The following CMYA5 variants were observed in gnomAD, a reference collection of about 807,000 sequenced individuals.
The protein encoded by CMYA5 is cardiomyopathy-associated protein 5.
In CMYA5, 246 loss-of-function variants were observed where a neutral mutation model predicts 318.9. The ratio of observed to expected loss-of-function variants is 0.77; its 90% confidence interval spans 0.70 to 0.86. The LOEUF (loss-of-function observed/expected upper bound fraction) is 0.86. CMYA5 is among the 40% of genes least tolerant of loss of function. CMYA5 has a pLI of 0.00. For missense variants in CMYA5, 4,589 were observed against 4,678.2 expected (o/e 0.98, Z 0.56); for synonymous variants, 1,641 against 1,729.5 (o/e 0.95, Z 1.27).
chr5:79,739,207 T>G lies in CMYA5; in HGVS notation c.10442T>G (p.Leu3481Trp), dbSNP rs758215599. Residue 3481 changes from leucine to tryptophan, a missense_variant, in exon 2 of 13, where the codon TTG (leucine) becomes TGG (tryptophan). By Grantham distance (61) the Leu-to-Trp change is moderately conservative (BLOSUM62 -2). Around this residue, in one of 3 missense-constraint regions of CMYA5, gnomAD observed 2,431 missense variants for 2,495.1 expected, o/e 0.97. Transcript: ENST00000446378. The part of the protein sequence containing the change: ...EQSTPAEQKE[L>W]GSERKEEDQL... ...AGTACACCTGCTGAACAAAAAGAGT[T>G]GGGCAGCGAGAGGAAAGAAGAAGAC... is the stretch of plus-strand genomic sequence containing the variant. 1 of 1,613,332 alleles carries G rather than the reference T, an allele frequency of 6.2e-7. No individual in the cohort carries two copies. The highest frequency in any genetic ancestry group is 8.5e-7 in the Non-Finnish European group (1 of 1,179,660).
At chr5:79,720,164 G>A (rs1357038816) in intron 1 of CMYA5, among the ~76,000 whole-genome samples, 4 of 151,992 alleles carry the variant, frequency 2.6e-5, no homozygotes, top group Non-Finnish European at 4.4e-5. Context: ...AAATGCTGAG[G>A]GACATTAATC....
At chr5:79,719,297 C>G (rs1305415914) in intron 1 of CMYA5, among the ~76,000 whole-genome samples, 2 of 152,150 alleles carry the variant, frequency 1.3e-5, no homozygotes, top group Admixed American at 1.3e-4. Flanking sequence ...CCACAAGGCT[C>G]TTTCCACTCA....
In CMYA5 at chr5:79,736,085, A is replaced by G. The variant is rs1031602040; in HGVS notation, c.7320A>G (p.Lys2440=). The G allele has an allele frequency of 6.8e-6, 11 of 1,612,210 alleles. No homozygotes were observed. Among genetic ancestry groups the G allele is most frequent in the Non-Finnish European group, 8.5e-6 (10 of 1,179,530 alleles). Residue 2440 remains lysine, a synonymous_variant, in exon 2 of 13, where the codon AAA becomes AAG. Transcript: ENST00000446378. ...AAATGCAAAATCCTACTTCCTTGAA[A>G]ATTTCTGAAGAGGAAACAAAACTCA... ...KKEMQNPTSL[K]ISEEETKLRS... is the part of the protein sequence containing the mutation.
chr5:79,736,717 T>C lies in CMYA5; in HGVS notation c.7952T>C (p.Leu2651Ser). Residue 2651 changes from leucine (L) to serine (S), a missense_variant, in exon 2 of 13, where the codon TTA becomes TCA. Transcript: ENST00000446378. ...SCRDEIENHS[L>S]SQEGNLVLEK... ...CGTGATGAAATAGAGAACCACTCTTTATCTCAGGAAGGAAATCTAGTATTA... is the reference window on the plus strand; with the variant it reads ...CGTGATGAAATAGAGAACCACTCTTCATCTCAGGAAGGAAATCTAGTATTA... 1 of 1,613,346 alleles carries C rather than the reference T, an allele frequency of 6.2e-7. No individual in the cohort carries two copies. The highest frequency in any genetic ancestry group is 8.5e-7 in the Non-Finnish European group (1 of 1,179,714).
Position 79,799,856 on chromosome 5 carries a change from GTTCTTTC to G in CMYA5, c.*241_*247del. ...CACTCTTTAGTTTATATAAGTTTGA[GTTCTTTC>G]CTAAATTAAAAGATCTACACTTGAG... On this transcript the variant is annotated 3_prime_UTR_variant, in exon 13 of 13. Coordinates refer to ENST00000446378, the MANE Select transcript of CMYA5 (RefSeq NM_153610.5). 5.4e-6 allele frequency: 1 copy of G among 186,734 alleles called. No individual in the cohort carries two copies. The highest frequency in any genetic ancestry group is 9.9e-6 in the Non-Finnish European group (1 of 101,214). The allele number at this position is 186,734 out of a possible 1,614,324, so 11.6% of individuals were successfully genotyped here.
At position 79,743,887 on chromosome 5, in the gene CMYA5, G is replaced by C. The variant is rs1389364756; in HGVS notation, c.10699G>C (p.Val3567Leu). ...QEKSLRIEAF[V>L]SEIESFFNTI... ...AAAGTCCTTGAGGATTGAAGCCTTTGTTAGTGAGATAGAATCCTTTTTTAA... is the reference window on the plus strand; with the variant it reads ...AAAGTCCTTGAGGATTGAAGCCTTTCTTAGTGAGATAGAATCCTTTTTTAA... The change falls in exon 3 of 13, where the codon GTT (valine) becomes CTT (leucine). Residue 3567 changes from valine (V) to leucine (L), a missense_variant. By Grantham distance (32) the Val-to-Leu change is conservative (BLOSUM62 1). Around this residue, in one of 3 missense-constraint regions of CMYA5, gnomAD observed 2,431 missense variants for 2,495.1 expected, o/e 0.97. Transcript: ENST00000446378. 1 of 1,547,390 alleles carries C rather than the reference G, an allele frequency of 6.5e-7. No homozygotes were observed. The highest frequency in any genetic ancestry group is 8.7e-7 in the Non-Finnish European group (1 of 1,144,206).
rs759386853 is a variant in CMYA5, at chr5:79,729,117, C to T, written c.352C>T (p.Pro118Ser). 1 of 1,613,270 alleles carries T rather than the reference C, an allele frequency of 6.2e-7. No homozygotes were observed. The highest frequency in any genetic ancestry group is 8.5e-7 in the Non-Finnish European group (1 of 1,179,658). Residue 118 changes from proline (P) to serine (S), a missense_variant, in exon 2 of 13, where the codon CCT becomes TCT. Physicochemically the swap from Pro to Ser is moderately conservative, Grantham distance 74. This residue lies in a region of CMYA5 where 2,132 missense variants were observed against 2,131.3 expected (regional missense o/e 1.00). Transcript: ENST00000446378. Reference protein sequence around the residue: ...SREGSTVNSPPGNVSFIVDEV... With the variant: ...SREGSTVNSPSGNVSFIVDEV... ...GGAAGGGTCAACTGTGAATTCTCCT[C>T]CTGGAAATGTTTCCTTTATTGTGGA...
chr5:79,730,473 T>C lies in CMYA5; in HGVS notation c.1708T>C (p.Ser570Pro), dbSNP rs372336841. The change falls in exon 2 of 13, where the codon TCA becomes CCA. Residue 570 changes from serine to proline, a missense_variant. Ser to Pro is a moderately conservative substitution (Grantham distance 74). This residue lies in a region of CMYA5 where 2,132 missense variants were observed against 2,131.3 expected (regional missense o/e 1.00). Transcript: ENST00000446378. ...GCTTATTCTACCATTATTGGCAGCA[T>C]CATCTCCTGAACATGTTGCTTTGTC... The part of the protein sequence containing the change: ...EELILPLLAA[S>P]SPEHVALSEE... 10 of 1,613,758 alleles carry C rather than the reference T, an allele frequency of 6.2e-6. No homozygotes were observed. The Admixed American group carries it at 1.7e-4, about 27-fold the overall frequency.
At chr5:79,719,660 A>G (rs1296833205) in intron 1 of CMYA5, among the ~76,000 whole-genome samples, 1 of 152,220 alleles carries the variant, frequency 6.6e-6, no homozygotes, top group African/African-American at 2.4e-5. Flanking sequence ...ATGAACACAC[A>G]ATGAAAATAT....
chr5:79,720,738 A>T lies in CMYA5; in HGVS notation c.150-8177A>T, dbSNP rs551587638. On this transcript the variant is annotated intron_variant, in intron 1 of 12. Coordinates refer to ENST00000446378, the MANE Select transcript of CMYA5 (RefSeq NM_153610.5). ...GGCGTGAGCCACCATGCCTGGCCCA[A>T]TCTAGAATTTTATATCCTGAAAAAA... 2.0e-5 allele frequency among the ~76,000 whole-genome samples: 3 copies of T among 152,236 alleles called. No individual in the cohort carries two copies. The East Asian group carries it at 5.8e-4, about 29-fold the overall frequency.
At chr5:79,797,206 C>T (rs181920461) in intron 12 of CMYA5, among the ~76,000 whole-genome samples, 39 of 152,290 alleles carry the variant, frequency 2.6e-4, no homozygotes, top group African/African-American at 8.2e-4. Flanking sequence ...TTATTCATTG[C>T]ACAAATATGT....
Position 79,737,546 on chromosome 5 carries a change from T to C in CMYA5, c.8781T>C (p.Phe2927=). ...ACACATATGCAAAAGGTGAAGACTT[T>C]ACAGTGACTAGTAAGCCAGCCGGAC... ...PEDTYAKGED[F]TVTSKPAGLS... The change falls in exon 2 of 13, where the codon TTT becomes TTC. Residue 2927 remains phenylalanine, a synonymous_variant. Transcript: ENST00000446378. 1 of 1,613,638 alleles carries C rather than the reference T, an allele frequency of 6.2e-7. No individual in the cohort carries two copies. The highest frequency in any genetic ancestry group is 8.5e-7 in the Non-Finnish European group (1 of 1,179,766).
intron 7 of CMYA5, among the ~76,000 whole-genome samples, chr5:79,760,219 C>G (rs1022395873): frequency 1.5e-4 from 22 of 151,568 alleles, no homozygotes; most frequent in African/African-American, 5.3e-4. Flanking sequence ...GTTTCACCCC[C>G]ACCCCAAACA....
chr5:79,790,294 G>T (rs1007360039), intron 10 of CMYA5, among the ~76,000 whole-genome samples: 1 of 151,852 alleles, frequency 6.6e-6, no homozygotes, highest in Non-Finnish European at 1.5e-5. Context: ...TTCTCGAATG[G>T]AGTCTTGCTC....
At chr5:79,790,445 A>G (rs1191573983) in intron 10 of CMYA5, among the ~76,000 whole-genome samples, 2 of 151,770 alleles carry the variant, frequency 1.3e-5, no homozygotes, top group Non-Finnish European at 2.9e-5. Context: ...AATTTTTTGT[A>G]TTTTTGGTAG....
intron 1 of CMYA5, among the ~76,000 whole-genome samples, chr5:79,720,156 A>C (rs746096722): frequency 1.3e-5 from 2 of 152,164 alleles, no homozygotes; most frequent in East Asian, 3.9e-4. Flanking sequence ...TTTCTCAAAA[A>C]TGCTGAGGGA....
At chr5:79,777,411 T>C (rs1190074178) in intron 9 of CMYA5, among the ~76,000 whole-genome samples, 4 of 152,312 alleles carry the variant, frequency 2.6e-5, no homozygotes, top group East Asian at 3.9e-4. Flanking sequence ...CCACTTTGCT[T>C]TCCTTGCTTA....
intron 6 of CMYA5, 135 bp from the exon 7 acceptor site, chr5:79,758,618 G>T: frequency 2.1e-6 from 1 of 479,856 alleles, no homozygotes; most frequent in Non-Finnish European, 3.4e-6. Flanking sequence ...GGGTTTGGGG[G>T]AACAAGAGAG....
chr5:79,738,005 G>T lies in CMYA5; in HGVS notation c.9240G>T (p.Glu3080Asp). Residue 3080 changes from glutamate (E) to aspartate (D), a missense_variant, in exon 2 of 13, where the codon GAG becomes GAT. By Grantham distance (45) the Glu-to-Asp change is conservative. Coordinates refer to ENST00000446378, the MANE Select transcript of CMYA5 (RefSeq NM_153610.5). ...QKAPQKLNVE[E>D]KLSKEVTEET... ...CTCCACAGAAATTAAATGTTGAAGAGAAACTCTCAAAGGAAGTTACAGAAG... is the reference window on the plus strand; with the variant it reads ...CTCCACAGAAATTAAATGTTGAAGATAAACTCTCAAAGGAAGTTACAGAAG... 1 of 1,613,540 alleles carries T rather than the reference G, an allele frequency of 6.2e-7. No homozygotes were observed.
Sources: gnomAD v4.1 joint callset for allele counts (sites outside exome capture counted in the v4.1 genomes callset) on GRCh38, gnomAD v4.1.1 for gene constraint, gnomAD v4.1.1 regional missense constraint, MANE v1.5 for transcripts, NCBI Gene and HGNC (gene_info 2026-07-23, HGNC 2026-07-21) for gene names.